The following EYS variants were observed in gnomAD, a reference collection of about 807,000 sequenced individuals.
EYS encodes protein eyes shut homolog.
A neutral mutation model predicts 282.1 loss-of-function variants in EYS; 250 were observed. The ratio of observed to expected loss-of-function variants is 0.89; its 90% CI spans 0.80 to 0.98. EYS has a LOEUF of 0.98. EYS is among the 50% of genes least tolerant of loss of function. EYS has a pLI of 0.00. For synonymous variants in EYS, 1,355 were observed against 1,282.9 expected (o/e 1.06, Z -1.20); for missense variants, 4,016 against 3,709.0 (o/e 1.08, Z -2.15).
intron 41 of EYS, among the ~76,000 whole-genome samples, chr6:63,748,112 C>T (rs774666041): frequency 3.9e-5 from 6 of 152,134 alleles, no homozygotes; most frequent in Non-Finnish European, 7.4e-5. Context: ...ACATTTAGTG[C>T]TTCCTTCAGG....
intron 33 of EYS, among the ~76,000 whole-genome samples, chr6:64,036,984 G>A (rs889797027): frequency 6.6e-6 from 1 of 152,074 alleles, no homozygotes; most frequent in Admixed American, 6.5e-5. Flanking sequence ...TGGAGTGTGA[G>A]ATAAAATAAT....
chr6:65,099,308 T>C (rs1011204676), intron 12 of EYS, among the ~76,000 whole-genome samples: 1 of 150,798 alleles, frequency 6.6e-6, no homozygotes, highest in Admixed American at 6.6e-5. Context: ...CTAGTGGCAA[T>C]GGATATTTTG....
chr6:64,846,805 T>A (rs1007638965), intron 19 of EYS, among the ~76,000 whole-genome samples: 31 of 152,258 alleles, frequency 2.0e-4, no homozygotes, highest in African/African-American at 6.3e-4. Flanking sequence ...TATGCAACTA[T>A]TATGAAATAA....
At chr6:63,994,008 T>C (rs1480053002) in intron 34 of EYS, among the ~76,000 whole-genome samples, 2 of 151,888 alleles carry the variant, frequency 1.3e-5, no homozygotes, top group African/African-American at 2.4e-5. Context: ...TCAAATGATC[T>C]TTGAAAAGGG....
At chr6:65,575,709 G>A (rs1326978293) in intron 2 of EYS, among the ~76,000 whole-genome samples, 1 of 151,272 alleles carries the variant, frequency 6.6e-6, no homozygotes, top group Admixed American at 6.6e-5. Flanking sequence ...TAGACCAACA[G>A]GGAAAAAAAA....
intron 12 of EYS, among the ~76,000 whole-genome samples, chr6:65,270,788 C>A (rs1418016317): frequency 6.6e-6 from 1 of 152,010 alleles, no homozygotes; most frequent in Non-Finnish European, 1.5e-5. Context: ...TAGTTTATAA[C>A]ACAGATCACT....
At chr6:65,544,138 T>A (rs1159050406) in intron 2 of EYS, among the ~76,000 whole-genome samples, 1 of 152,094 alleles carries the variant, frequency 6.6e-6, no homozygotes, top group East Asian at 1.9e-4. Flanking sequence ...AACTCTTTCA[T>A]GACCACATGG....
At chr6:64,097,286 A>G (rs1443249439) in intron 31 of EYS, among the ~76,000 whole-genome samples, 2 of 152,170 alleles carry the variant, frequency 1.3e-5, no homozygotes, top group Non-Finnish European at 2.9e-5. Flanking sequence ...AAGCTGTCAG[A>G]CAGGGACATT....
chr6:64,149,796 G>A (rs1774640282), intron 31 of EYS, among the ~76,000 whole-genome samples: 1 of 152,172 alleles, frequency 6.6e-6, no homozygotes, highest in Non-Finnish European at 1.5e-5. Context: ...TTGTCTCTAT[G>A]TCTGAGTTAA....
intron 12 of EYS, among the ~76,000 whole-genome samples, chr6:65,213,434 A>T (rs1766224706): frequency 6.6e-6 from 1 of 152,162 alleles, no homozygotes; most frequent in African/African-American, 2.4e-5. Context: ...GAACAAATGG[A>T]ATGTTTGTGG....
intron 22 of EYS, among the ~76,000 whole-genome samples, chr6:64,691,299 A>G (rs1024258768): frequency 3.3e-5 from 5 of 152,200 alleles, no homozygotes; most frequent in Admixed American, 3.3e-4. Flanking sequence ...CTTAGTCAGT[A>G]TAAACCACAA....
At chr6:64,275,447 A>AT (rs1768077541) in intron 30 of EYS, among the ~76,000 whole-genome samples, 2 of 92,228 alleles carry the variant, frequency 2.2e-5, no homozygotes, top group Non-Finnish European at 2.2e-5. Context: ...ATCATGTTCT[A>AT]TTTCTTTTTT....
In EYS at chr6:65,531,150, T is replaced by G. The variant is rs559022315; in HGVS notation, c.-332-35157A>C. Among the ~76,000 whole-genome samples the G allele has an allele frequency of 7.4e-4, 112 of 152,234 alleles. 2 individuals are homozygous for G. The South Asian group carries it at 0.022, about 29-fold the overall frequency. On this transcript the variant is annotated intron_variant, in intron 2 of 42. Transcript: ENST00000503581. ...TAAAACTCTTTGATCCATGATACCTTATGACCTCTGATCAGGAAATAAGGA... is the reference window on the plus strand; with the variant it reads ...TAAAACTCTTTGATCCATGATACCTGATGACCTCTGATCAGGAAATAAGGA...
chr6:64,170,055 T>G (rs1203739341), intron 31 of EYS, among the ~76,000 whole-genome samples: 4 of 152,106 alleles, frequency 2.6e-5, no homozygotes, highest in Non-Finnish European at 2.9e-5. Flanking sequence ...AGATTTTAGG[T>G]AGGCAATTAG....
At chr6:64,837,399 T>G (rs1223093262) in intron 19 of EYS, among the ~76,000 whole-genome samples, 1 of 151,160 alleles carries the variant, frequency 6.6e-6, no homozygotes, top group Non-Finnish European at 1.5e-5. Context: ...AATTGAAATC[T>G]TTTCCCCTAA....
At chr6:65,463,562 C>A (rs1277705810) in intron 5 of EYS, among the ~76,000 whole-genome samples, 5 of 151,868 alleles carry the variant, frequency 3.3e-5, no homozygotes, top group Non-Finnish European at 7.4e-5. Flanking sequence ...TTGTTCAATG[C>A]CAGAGAATAA....
chr6:65,371,741 C>CTCTCTGTG (rs1335075948), intron 8 of EYS, among the ~76,000 whole-genome samples: 14 of 70,280 alleles, frequency 2.0e-4, no homozygotes, highest in African/African-American at 7.8e-4. Context: ...CTCTCTCTCT[C>CTCTCTGTG]TGTGTGTGTG....
chr6:64,835,362 C>A (rs1274909134), intron 19 of EYS, among the ~76,000 whole-genome samples: 1 of 151,496 alleles, frequency 6.6e-6, no homozygotes, highest in East Asian at 1.9e-4. Context: ...GTTGAGGGAG[C>A]TGTTGAAATG....
intron 1 of EYS, among the ~76,000 whole-genome samples, chr6:65,641,226 CAGAAGCATCAACGCTCAG>C (rs1767265158): frequency 6.6e-6 from 1 of 152,184 alleles, no homozygotes; most frequent in African/African-American, 2.4e-5. Flanking sequence ...CTGTAAGAAC[CAGAAGCATCAACGCTCAG>C]AGAAGCAAAT....
Sources: allele counts gnomAD v4.1 joint callset (sites outside exome capture counted in the v4.1 genomes callset), GRCh38; gene constraint gnomAD v4.1.1; transcripts MANE v1.5; gene names NCBI Gene and HGNC (gene_info 2026-07-23, HGNC 2026-07-21).